The following EML1 variants were observed in gnomAD, a reference collection of about 807,000 sequenced individuals.
The protein encoded by EML1 is EMAP like 1.
A neutral mutation model predicts 110.4 loss-of-function variants in EML1; 27 were observed. The ratio of observed to expected loss-of-function variants is 0.24; its 90% CI spans 0.18 to 0.34. The LOEUF is 0.34. Ranked by LOEUF, EML1 falls within the 10% of genes least tolerant of loss-of-function variation. The pLI, the probability that EML1 is intolerant of heterozygous loss-of-function variation, is 1.00. For synonymous variants in EML1, 344 were observed against 385.8 expected (o/e 0.89, Z 1.27); for missense variants, 741 against 1,030.9 (o/e 0.72, Z 3.85).
chr14:99,786,899 G>T (rs547686465), intron 1 of EML1, among the ~76,000 whole-genome samples: 2 of 152,352 alleles, frequency 1.3e-5, no homozygotes, highest in East Asian at 3.9e-4. Flanking sequence ...CAATGTTCCA[G>T]AGGAGACAGA....
At chr14:99,786,918 C>A (rs1220490008) in intron 1 of EML1, among the ~76,000 whole-genome samples, 1 of 152,084 alleles carries the variant, frequency 6.6e-6, no homozygotes. Context: ...GAAGCCAGAA[C>A]CAGGACAGAG....
chr14:99,935,055 G>A (rs1392169596), intron 17 of EML1, among the ~76,000 whole-genome samples: 2 of 152,206 alleles, frequency 1.3e-5, no homozygotes, highest in Non-Finnish European at 2.9e-5. Flanking sequence ...GAACCCGTGT[G>A]TTCAGTGAGG....
intron 13 of EML1, among the ~76,000 whole-genome samples, 198 bp downstream of exon 13, chr14:99,911,774 A>C (rs1433837329): frequency 6.6e-6 from 1 of 152,204 alleles, no homozygotes; most frequent in East Asian, 1.9e-4. Context: ...ATAAAACTTG[A>C]GGTTGTAACA....
chr14:99,841,280 A>T (rs2058628320), intron 1 of EML1, among the ~76,000 whole-genome samples: 1 of 152,224 alleles, frequency 6.6e-6, no homozygotes, highest in African/African-American at 2.4e-5. Flanking sequence ...CGTTGATTTC[A>T]CTGAAGATCA....
At chr14:99,913,699 G>GTT (rs1454137655) in intron 13 of EML1, among the ~76,000 whole-genome samples, 2 of 151,690 alleles carry the variant, frequency 1.3e-5, no homozygotes, top group Non-Finnish European at 2.9e-5. Context: ...TGTGGTATCT[G>GTT]TTTTTTTGAG....
rs2059910347 is a variant in EML1, at chr14:99,909,455, T to G, written c.1215T>G (p.Leu405=). The G allele has an allele frequency of 6.2e-7, 1 of 1,614,174 alleles. No individual in the cohort carries two copies. The highest frequency in any genetic ancestry group is 1.3e-5 in the African/African-American group (1 of 75,050). Residue 405 remains leucine (L), a synonymous_variant, in exon 11 of 22, where the codon CTT becomes CTG. Coordinates refer to ENST00000262233, the MANE Select transcript of EML1 (RefSeq NM_004434.3). ...TTTGGACACTAGAAGGAAGCTCCCT[T>G]AATAAGAAGCAAGGATTATTCGAGG... is the stretch of plus-strand genomic sequence containing the variant. ...LYFWTLEGSS[L]NKKQGLFEKQ...
At position 99,855,265 on chromosome 14, in the gene EML1, A is replaced by G. The variant is rs117509458; in HGVS notation, c.250+4230A>G. On this transcript the variant is annotated intron_variant, in intron 2 of 21. Coordinates refer to ENST00000262233, the MANE Select transcript of EML1 (RefSeq NM_004434.3). Reference sequence around the variant, plus strand: ...ATTCACGGGTTTTTTCCTGAGTAATAGGATTATGAATTTTTAAATACTTTT... The same window carrying G: ...ATTCACGGGTTTTTTCCTGAGTAATGGGATTATGAATTTTTAAATACTTTT... 4.4e-3 allele frequency among the ~76,000 whole-genome samples: 665 copies of G among 152,378 alleles called. 4 individuals carry two copies. Among genetic ancestry groups the G allele is most frequent in the Non-Finnish European group, 7.8e-3 (532 of 68,040 alleles).
rs903424897 is a variant in EML1, at chr14:99,755,533, G to T, written c.28+17673G>T. On this transcript the variant is annotated intron_variant, in intron 1 of 10. Transcript: ENST00000554479. Reference sequence around the variant, plus strand: ...GTGCCTAGTGCACAGTGGGTGCTTAGTGGTGCCAGCTGTGGAGGGGAGAGC... The same window carrying T: ...GTGCCTAGTGCACAGTGGGTGCTTATTGGTGCCAGCTGTGGAGGGGAGAGC... Among the ~76,000 whole-genome samples the T allele has an allele frequency of 2.0e-5, 3 of 152,188 alleles. No individual in the cohort carries two copies. In the South Asian group the frequency reaches 6.2e-4, roughly 32 times the overall value.
At chr14:99,843,331 A>G (rs2058661229) in intron 1 of EML1, among the ~76,000 whole-genome samples, 1 of 152,228 alleles carries the variant, frequency 6.6e-6, no homozygotes, top group African/African-American at 2.4e-5. Context: ...ATTATGCACT[A>G]ATTTCTAATT....
intron 1 of EML1, among the ~76,000 whole-genome samples, chr14:99,763,487 A>G (rs1326582992): frequency 1.3e-5 from 2 of 152,026 alleles, no homozygotes; most frequent in Non-Finnish European, 2.9e-5. Context: ...GTGGGGCACT[A>G]CTCCCGGTGA....
intron 1 of EML1, among the ~76,000 whole-genome samples, chr14:99,744,398 T>C (rs1352851871): frequency 4.6e-5 from 7 of 151,898 alleles, no homozygotes; most frequent in African/African-American, 1.7e-4. Context: ...CACCGGGAAG[T>C]AACCCACCTT....
Position 99,808,892 on chromosome 14 carries a change from C to T in EML1, c.67+15349C>T, listed in dbSNP as rs144805261. ...TTCTCACTTAATTCTCACAACCAAACTCTAAGGTAAGTAAAATACTACTTT... is the reference window on the plus strand; with the variant it reads ...TTCTCACTTAATTCTCACAACCAAATTCTAAGGTAAGTAAAATACTACTTT... On this transcript the variant is annotated intron_variant, in intron 1 of 21. Transcript: ENST00000262233. 8.0e-3 allele frequency among the ~76,000 whole-genome samples: 1,212 copies of T among 152,292 alleles called. 4 individuals carry two copies. Among genetic ancestry groups the T allele is most frequent in the Non-Finnish European group, 0.014 (980 of 68,030 alleles).
At chr14:99,849,572 G>A (rs918537333) in intron 1 of EML1, among the ~76,000 whole-genome samples, 3 of 151,888 alleles carry the variant, frequency 2.0e-5, no homozygotes, top group Non-Finnish European at 2.9e-5. Context: ...TTTTGAGACA[G>A]AGTATTGCTC....
In EML1 at chr14:99,936,313, G is replaced by A. The variant is rs1431577345; in HGVS notation, c.2074G>A (p.Gly692Arg). ...CTCACAGTTCCTCGTGTCAAATTCC[G>A]GAGACTACGAAATCCTCTACTGTGA... ...VNSQFLVSNSGDYEILYWVPS... is the reference protein window; with the variant it reads ...VNSQFLVSNSRDYEILYWVPS... The change falls in exon 19 of 22, where the codon GGA (glycine) becomes AGA (arginine). Residue 692 changes from glycine (G) to arginine (R), a missense_variant. By Grantham distance (125) the Gly-to-Arg change is moderately radical. Coordinates refer to ENST00000262233, the MANE Select transcript of EML1 (RefSeq NM_004434.3). The surrounding 1 kb of genome is among the most constrained non-coding windows in gnomAD (Gnocchi z 5.5). 2.7e-5 allele frequency: 43 copies of A among 1,613,442 alleles called. No homozygotes were observed. Among genetic ancestry groups the A allele is most frequent in the Non-Finnish European group, 3.6e-5 (42 of 1,179,998 alleles).
intron 12 of EML1, 92 bp downstream of exon 12, chr14:99,910,433 G>T (rs530561265): frequency 1.0e-6 from 1 of 964,672 alleles, no homozygotes; most frequent in Non-Finnish European, 1.6e-6. Context: ...TTAATACAAC[G>T]TACAGGAGTA....
chr14:99,870,776 A>C (rs1179905454), intron 3 of EML1, among the ~76,000 whole-genome samples: 2 of 152,212 alleles, frequency 1.3e-5, no homozygotes, highest in African/African-American at 4.8e-5. Context: ...CCCATTGTTG[A>C]GGCCTACTGC....
chr14:99,744,873 A>G (rs1297801325), intron 1 of EML1, among the ~76,000 whole-genome samples: 2 of 152,248 alleles, frequency 1.3e-5, no homozygotes, highest in Non-Finnish European at 2.9e-5. Flanking sequence ...AGGCTGTGGA[A>G]TCCGTTTATT....
chr14:99,895,466 C>G (rs1263728698), intron 6 of EML1, among the ~76,000 whole-genome samples: 2 of 152,114 alleles, frequency 1.3e-5, no homozygotes, highest in Non-Finnish European at 2.9e-5. Flanking sequence ...AAGGAAACAA[C>G]AGTGACAATG....
chr14:99,850,344 T>C, intron 1 of EML1: 1 of 1,289,072 alleles, frequency 7.8e-7, no homozygotes, highest in South Asian at 1.2e-5. Context: ...TAAGAAAATA[T>C]GATTACCATA....
Sources: gnomAD v4.1 joint callset for allele counts (sites outside exome capture counted in the v4.1 genomes callset) on GRCh38, gnomAD v4.1.1 for gene constraint, Gnocchi (gnomAD v3.1) non-coding constraint, MANE v1.5 for transcripts, NCBI Gene and HGNC (gene_info 2026-07-23, HGNC 2026-07-21) for gene names.